Variants in MYO9B observed in about 807,000 individuals in gnomAD.
The protein encoded by MYO9B is myosin IXB.
A neutral mutation model predicts 229.5 loss-of-function variants in MYO9B; 71 were observed. That is an observed-to-expected ratio of 0.31 (90% CI 0.26 to 0.38). MYO9B has a LOEUF of 0.38. Among genes scored for constraint, MYO9B ranks in the 10% least tolerant of loss-of-function variants. The pLI, the probability that MYO9B is intolerant of heterozygous loss-of-function variation, is 1.00. For synonymous variants in MYO9B, 1,185 were observed against 1,235.8 expected, an observed-to-expected ratio of 0.96 and a Z score of 0.86; for missense variants, 2,255 against 2,920.5, an observed-to-expected ratio of 0.77 and a Z score of 5.25.
chr19:17,144,520 C>T (rs1021824079), intron 2 of MYO9B, among the ~76,000 whole-genome samples: 8 of 151,510 alleles, frequency 5.3e-5, no homozygotes, highest in African/African-American at 1.9e-4. Flanking sequence ...TCGCTTCAGC[C>T]TGGGAGGCAG....
intron 37 of MYO9B, 68 bp from the exon 38 acceptor site, chr19:17,210,647 C>T (rs1399489097): frequency 2.0e-6 from 3 of 1,473,690 alleles, no homozygotes; most frequent in Non-Finnish European, 1.8e-6. Flanking sequence ...CTGGGATCTG[C>T]TCACACCTCC....
rs763532018 is a variant in MYO9B at position 17,163,069 on chromosome 19, G to T, written c.1618G>T (p.Ala540Ser). 1.3e-6 allele frequency: 2 copies of T among 1,587,936 alleles called. No homozygotes were observed. The highest frequency in any genetic ancestry group is 3.6e-5 in the Admixed American group (2 of 55,402). ...NSFEQFCINY[A>S]NEQLQYYFNQ... is the part of the protein sequence containing the mutation. ...CTTTGAGCAGTTCTGCATCAACTAC[G>T]CCAATGAGCAGCTGCAGTATTACTT... The change falls in exon 10 of 40, where the codon GCC becomes TCC. Residue 540 changes from alanine (A) to serine (S), a missense_variant. Ala to Ser is a moderately conservative substitution (Grantham distance 99). Around this residue, in one of 7 missense-constraint regions of MYO9B, gnomAD observed 220 missense variants for 404.5 expected, o/e 0.54. Transcript: ENST00000682292.
rs765555048 is a variant in MYO9B at position 17,206,298 on chromosome 19, G to A, written c.5308G>A (p.Val1770Met). 1.2e-6 allele frequency: 2 copies of A among 1,604,574 alleles called. No individual in the cohort carries two copies. The highest frequency in any genetic ancestry group is 1.7e-5 in the Admixed American group (1 of 59,206). The change falls in exon 33 of 40, where the codon GTG (valine) becomes ATG (methionine). Residue 1770 changes from valine to methionine, a missense_variant. Around this residue, in one of 7 missense-constraint regions of MYO9B, gnomAD observed 416 missense variants for 605.5 expected, o/e 0.69. Coordinates refer to ENST00000682292, the MANE Select transcript of MYO9B (RefSeq NM_004145.4). ...CTTCCCCATCCACGCCATCACAGGG[G>A]TGCTGAAGCAGTGGCTGCGGGAGCT... is the stretch of plus-strand genomic sequence containing the variant. ...ENFPIHAITG[V>M]LKQWLRELPE... is the part of the protein sequence containing the mutation.
chr19:17,135,344 T>TG (rs990853245), intron 2 of MYO9B, among the ~76,000 whole-genome samples: 13 of 152,062 alleles, frequency 8.5e-5, no homozygotes, highest in Admixed American at 6.6e-4. Flanking sequence ...TTTTATAGCC[T>TG]GGGGGGACCA....
At chr19:17,125,337 G>A (rs903324165) in intron 2 of MYO9B, among the ~76,000 whole-genome samples, 32 of 147,026 alleles carry the variant, frequency 2.2e-4, no homozygotes, top group Non-Finnish European at 3.9e-4. Context: ...AGCCCTAGGG[G>A]AAATATGATA....
intron 14 of MYO9B, chr19:17,177,873 T>A (rs1221080233): frequency 6.6e-6 from 1 of 152,630 alleles, no homozygotes; most frequent in Non-Finnish European, 1.5e-5. Context: ...CATTGCTTTC[T>A]ATGAAAGCAA....
At chr19:17,197,104 C>T (rs1368148641) in intron 22 of MYO9B, among the ~76,000 whole-genome samples, 2 of 151,916 alleles carry the variant, frequency 1.3e-5, no homozygotes, top group Non-Finnish European at 2.9e-5. Context: ...GGCGAAACCC[C>T]GTCTCTACTA....
intron 31 of MYO9B, 21 bp from the exon 32 acceptor site, chr19:17,205,939 C>T (rs1484206904): frequency 6.5e-7 from 1 of 1,540,616 alleles, no homozygotes; most frequent in Non-Finnish European, 8.7e-7. Context: ...CCAGACCTGA[C>T]CCCCAACCCC....
chr19:17,075,868 A>T lies in MYO9B; in HGVS notation c.-65A>T, dbSNP rs2123400050. On this transcript the variant is annotated 5_prime_UTR_variant, in exon 1 of 40. Coordinates refer to ENST00000682292, the MANE Select transcript of MYO9B (RefSeq NM_004145.4). ...CGGGACCGGCGGCGCGCGGCGGCCGAGGCCAGGTGAGTACCAGGCAGCCTC... is the reference window on the plus strand; with the variant it reads ...CGGGACCGGCGGCGCGCGGCGGCCGTGGCCAGGTGAGTACCAGGCAGCCTC... The T allele has an allele frequency of 6.6e-6, 1 of 150,882 alleles. No individual in the cohort carries two copies. The highest frequency in any genetic ancestry group is 1.8e-4 in the South Asian group (1 of 5,536). 9.3% of individuals were successfully genotyped at this position (150,882 alleles called of 1,614,324 possible). A position where few individuals can be genotyped will look rare whatever the true frequency, so the allele number is the denominator to read the frequency against.
chr19:17,196,843 G>C (rs147949646), intron 22 of MYO9B, among the ~76,000 whole-genome samples: 36 of 152,108 alleles, frequency 2.4e-4, no homozygotes, highest in African/African-American at 8.4e-4. Flanking sequence ...TGGATGGACA[G>C]ACAGAAGGAT....
At chr19:17,199,584 G>A (rs139685697) in intron 24 of MYO9B, among the ~76,000 whole-genome samples, 38 of 151,744 alleles carry the variant, frequency 2.5e-4, no homozygotes, top group African/African-American at 8.5e-4. Context: ...CTCAATCTCC[G>A]CTCACTGCAG....
chr19:17,154,285 G>A (rs2072513795), intron 5 of MYO9B, 30 bp from the exon 6 acceptor site: 1 of 1,596,726 alleles, frequency 6.3e-7, no homozygotes, highest in Non-Finnish European at 8.6e-7. Context: ...GCCCAGGAAT[G>A]CCCAGAGTAC....
chr19:17,173,894 G>A (rs954259240), intron 13 of MYO9B, among the ~76,000 whole-genome samples: 8 of 152,048 alleles, frequency 5.3e-5, no homozygotes, highest in East Asian at 1.9e-4. Flanking sequence ...TTCTGTCTCC[G>A]GAAGGGGCTT....
chr19:17,147,555 A>C (rs1382649519), intron 3 of MYO9B, among the ~76,000 whole-genome samples: 4 of 150,960 alleles, frequency 2.6e-5, no homozygotes, highest in African/African-American at 4.9e-5. Context: ...AAAAAAAAAA[A>C]AAAAAACCCA....
At chr19:17,113,260 G>A (rs979128055) in intron 2 of MYO9B, among the ~76,000 whole-genome samples, 1 of 152,144 alleles carries the variant, frequency 6.6e-6, no homozygotes, top group African/African-American at 2.4e-5. Flanking sequence ...GCAAGCTTGG[G>A]CTCAGGAGGG....
At chr19:17,089,159 G>A (rs1337720400) in intron 1 of MYO9B, among the ~76,000 whole-genome samples, 1 of 151,996 alleles carries the variant, frequency 6.6e-6, no homozygotes, top group Non-Finnish European at 1.5e-5. Context: ...GAGGACAAAG[G>A]TCTCTAAGTC....
At position 17,200,778 on chromosome 19, in the gene MYO9B, G is replaced by T; in HGVS notation, c.4512G>T (p.Gln1504His). The change falls in exon 26 of 40, where the codon CAG (glutamine) becomes CAT (histidine). Residue 1504 changes from glutamine to histidine, a missense_variant. Coordinates refer to ENST00000682292, the MANE Select transcript of MYO9B (RefSeq NM_004145.4). ...AGTGGCGGGAATCGGTGTTCCGCCA[G>T]ATCACCAACGCCAATGAGCTCAAGT... The part of the protein sequence containing the change: ...SEKWRESVFR[Q>H]ITNANELKYL... 1.9e-6 allele frequency: 3 copies of T among 1,614,046 alleles called. No individual in the cohort carries two copies. The African/African-American group carries it at 4.0e-5, about 22-fold the overall frequency.
intron 1 of MYO9B, among the ~76,000 whole-genome samples, chr19:17,100,273 C>T (rs2057732583): frequency 6.6e-6 from 1 of 151,924 alleles, no homozygotes; most frequent in African/African-American, 2.4e-5. Flanking sequence ...AGTTTGAGAC[C>T]AGCCTGGCCA....
chr19:17,143,996 A>G lies in MYO9B; in HGVS notation c.841-1401A>G, dbSNP rs140014173. Among the ~76,000 whole-genome samples the G allele has an allele frequency of 2.8e-3, 430 of 152,280 alleles. 3 individuals carry two copies. Among genetic ancestry groups the G allele is most frequent in the African/African-American group, 9.5e-3 (395 of 41,578 alleles). On this transcript the variant is annotated intron_variant, in intron 2 of 39. Coordinates refer to ENST00000682292, the MANE Select transcript of MYO9B (RefSeq NM_004145.4). ...GTACCTGGGTGACAAAATAATCTGT[A>G]CAGCAAATCCCTGTGATACAAGTTT...
Sources: allele counts gnomAD v4.1 joint callset (sites outside exome capture counted in the v4.1 genomes callset), GRCh38; gene constraint gnomAD v4.1.1; regional missense constraint gnomAD v4.1.1; transcripts MANE v1.5; gene names NCBI Gene and HGNC (gene_info 2026-07-23, HGNC 2026-07-21).